SLIT3: variants seen among roughly 807,000 people sequenced by gnomAD.
SLIT3 encodes slit guidance ligand 3, also known as slit homolog 3 protein.
In SLIT3, 68 loss-of-function variants were observed where a neutral mutation model predicts 184.0. The observed-to-expected ratio is 0.37, with a 90% confidence interval of 0.30 to 0.45. The LOEUF is 0.45. Ranked by LOEUF, SLIT3 falls within the 20% of genes least tolerant of loss-of-function variation. The pLI, the probability that SLIT3 is intolerant of heterozygous loss-of-function variation, is 1.00. For missense variants in SLIT3, 1,707 were observed against 2,026.0 expected (o/e 0.84, Z 3.02); for synonymous variants, 831 against 828.6 (o/e 1.00, Z -0.05).
At chr5:168,807,862 C>T (rs1382323663) in intron 8 of SLIT3, among the ~76,000 whole-genome samples, 3 of 152,136 alleles carry the variant, frequency 2.0e-5, no homozygotes, top group Admixed American at 6.5e-5. Context: ...CCCGTTTGGA[C>T]GCGGACGCTT....
intron 4 of SLIT3, among the ~76,000 whole-genome samples, chr5:169,116,302 G>C (rs1760660730): frequency 1.3e-5 from 2 of 152,182 alleles, no homozygotes; most frequent in Admixed American, 1.3e-4. Flanking sequence ...GAGCTCAATG[G>C]TCTGGTTCCC....
At chr5:169,028,930 G>A (rs1347961829) in intron 4 of SLIT3, among the ~76,000 whole-genome samples, 4 of 152,208 alleles carry the variant, frequency 2.6e-5, no homozygotes, top group Admixed American at 2.0e-4. Flanking sequence ...AATAGGCCTG[G>A]ACATATATTG....
intron 5 of SLIT3, among the ~76,000 whole-genome samples, chr5:168,869,113 T>A (rs1233862975): frequency 6.6e-6 from 1 of 152,224 alleles, no homozygotes; most frequent in Non-Finnish European, 1.5e-5. Flanking sequence ...CACTTTTAAT[T>A]TCTCCAGAGA....
chr5:169,187,111 G>GTTTTTTTTT (rs761501769), intron 4 of SLIT3, among the ~76,000 whole-genome samples: 5,455 of 94,328 alleles, frequency 0.058, 774 homozygotes, highest in Non-Finnish European at 0.082. Flanking sequence ...GCAGCTATAG[G>GTTTTTTTTT]TTTTTTTTTT....
intron 4 of SLIT3, among the ~76,000 whole-genome samples, chr5:169,006,576 T>TC (rs1336146196): frequency 6.0e-5 from 8 of 133,544 alleles, no homozygotes; most frequent in Admixed American, 4.3e-4. Flanking sequence ...TCTTTCCCCC[T>TC]CTTCTCTCTC....
intron 4 of SLIT3, among the ~76,000 whole-genome samples, chr5:168,978,991 T>C (rs1754860961): frequency 1.3e-5 from 2 of 152,030 alleles, no homozygotes; most frequent in South Asian, 2.1e-4. Flanking sequence ...AAAAGCAGGA[T>C]GTGTGCACTG....
At chr5:168,888,912 T>C (rs1478839668) in intron 4 of SLIT3, among the ~76,000 whole-genome samples, 1 of 152,194 alleles carries the variant, frequency 6.6e-6, no homozygotes, top group African/African-American at 2.4e-5. Flanking sequence ...GCATTCAGTA[T>C]CAATCAAAAC....
chr5:169,251,746 T>C (rs1765781238), intron 1 of SLIT3, among the ~76,000 whole-genome samples: 1 of 152,178 alleles, frequency 6.6e-6, no homozygotes, highest in Admixed American at 6.5e-5. Flanking sequence ...AACTCTCAGA[T>C]CATGTCATAC....
intron 4 of SLIT3, among the ~76,000 whole-genome samples, chr5:169,146,891 A>T (rs896158817): frequency 2.6e-5 from 4 of 152,208 alleles, no homozygotes; most frequent in African/African-American, 9.6e-5. Context: ...GAACTTGGAC[A>T]AGTTGCTTAG....
intron 4 of SLIT3, among the ~76,000 whole-genome samples, chr5:168,919,825 A>T (rs996443636): frequency 1.3e-5 from 2 of 152,184 alleles, no homozygotes; most frequent in African/African-American, 4.8e-5. Flanking sequence ...TTGTCATTTC[A>T]AGTCACTTTT....
intron 4 of SLIT3, among the ~76,000 whole-genome samples, chr5:169,116,143 ATT>A (rs995976259): frequency 2.2e-4 from 33 of 152,118 alleles, no homozygotes; most frequent in African/African-American, 8.0e-4. Context: ...GGCAATAATT[ATT>A]GTTTGGATTA....
At chr5:169,073,830 TC>T (rs1758641953) in intron 4 of SLIT3, among the ~76,000 whole-genome samples, 1 of 152,134 alleles carries the variant, frequency 6.6e-6, no homozygotes, top group Non-Finnish European at 1.5e-5. Context: ...GCACCACACT[TC>T]CTGTACAGCC....
chr5:168,899,594 T>C (rs1388736248), intron 4 of SLIT3, among the ~76,000 whole-genome samples: 1 of 152,110 alleles, frequency 6.6e-6, no homozygotes, highest in African/African-American at 2.4e-5. Flanking sequence ...TCCCTTCCAA[T>C]AAATCAGAGA....
intron 5 of SLIT3, among the ~76,000 whole-genome samples, chr5:168,857,955 C>T (rs555239545): frequency 2.0e-5 from 3 of 152,314 alleles, no homozygotes; most frequent in Non-Finnish European, 2.9e-5. Context: ...CACAAGGTGT[C>T]GGGCCACCGG....
At chr5:168,760,964 G>A (rs1244146038) in intron 15 of SLIT3, 28 bp from the exon 16 acceptor site, 1 of 1,569,010 alleles carries the variant, frequency 6.4e-7, no homozygotes, top group Non-Finnish European at 8.8e-7. Context: ...TGAGTGGTAG[G>A]TTAGCTGTGG....
chr5:168,974,192 T>C (rs1038599463), intron 4 of SLIT3, among the ~76,000 whole-genome samples: 2 of 152,196 alleles, frequency 1.3e-5, no homozygotes, highest in Non-Finnish European at 2.9e-5. Flanking sequence ...CTTTGCAGCG[T>C]TGTTGGACCA....
At chr5:169,010,059 G>C (rs1490729696) in intron 4 of SLIT3, among the ~76,000 whole-genome samples, 1 of 152,194 alleles carries the variant, frequency 6.6e-6, no homozygotes, top group East Asian at 1.9e-4. Context: ...AGTTTTACAG[G>C]AGGAAGGAGG....
In SLIT3 at chr5:168,817,367, G is replaced by A; in HGVS notation, c.726C>T (p.Cys242=). ...AGCCCCTCAAATGCACAGGAGCCAT[G>A]CAGAGTGTGAACTGGCCAACTGTCC... ...QRRTVGQFTL[C]MAPVHLRGFN... is the part of the protein sequence containing the mutation. Residue 242 remains cysteine (C), a synonymous_variant, in exon 8 of 36, where the codon TGC becomes TGT. Coordinates refer to ENST00000519560, the MANE Select transcript of SLIT3 (RefSeq NM_003062.4). 1.2e-6 allele frequency: 2 copies of A among 1,614,188 alleles called. No homozygotes were observed. Among genetic ancestry groups the A allele is most frequent in the Non-Finnish European group, 1.7e-6 (2 of 1,180,032 alleles).
intron 4 of SLIT3, among the ~76,000 whole-genome samples, chr5:169,057,226 A>G (rs1037924420): frequency 1.3e-5 from 2 of 152,196 alleles, no homozygotes; most frequent in Admixed American, 1.3e-4. Context: ...CAAGAAGGGA[A>G]AAGCATGCTC....
Sources: gnomAD v4.1 joint callset for allele counts (sites outside exome capture counted in the v4.1 genomes callset) on GRCh38, gnomAD v4.1.1 for gene constraint, MANE v1.5 for transcripts, NCBI Gene and HGNC (gene_info 2026-07-23, HGNC 2026-07-21) for gene names.